Variants in LRP12 observed in about 807,000 individuals in gnomAD.
LRP12 encodes low-density lipoprotein receptor-related protein 12.
Under a neutral mutation model 66.0 loss-of-function variants are expected in LRP12, and 14 were observed. The observed-to-expected ratio is 0.21, with a 90% confidence interval of 0.14 to 0.33. The LOEUF is 0.33. Ranked by LOEUF, LRP12 falls within the 10% of genes least tolerant of loss-of-function variation. The pLI is 1.00. For missense variants in LRP12, 889 were observed against 1,053.4 expected, an observed-to-expected ratio of 0.84 and a Z score of 2.16; for synonymous variants, 357 against 359.1, an observed-to-expected ratio of 0.99 and a Z score of 0.07.
rs558157207 is a variant in LRP12, at chr8:104,548,105, GTTATA to G, written c.80-16147_80-16143del. ...TATATTATATTTTGTATATAATTCT[GTTATA>G]TTATATTTTGTATATAATATATAAT... is the stretch of plus-strand genomic sequence containing the variant. On this transcript the variant is annotated intron_variant, in intron 1 of 6. Transcript: ENST00000276654. 3.2e-3 allele frequency among the ~76,000 whole-genome samples: 337 copies of G among 105,126 alleles called. 5 individuals are homozygous for G. The highest frequency in any genetic ancestry group is 0.032 in the East Asian group (129 of 4,026). The allele number at this position is 105,126 out of a possible 152,430, so 69.0% of individuals were successfully genotyped here. A position where few individuals can be genotyped will look rare whatever the true frequency, so the allele number is the denominator to read the frequency against.
chr8:104,533,416 G>A (rs952176735), intron 1 of LRP12, among the ~76,000 whole-genome samples: 4 of 152,038 alleles, frequency 2.6e-5, no homozygotes, highest in African/African-American at 4.8e-5. Context: ...TGCTACTCAC[G>A]AGTAGACTAG....
intron 1 of LRP12, among the ~76,000 whole-genome samples, chr8:104,583,192 A>G (rs1299094682): frequency 2.6e-5 from 4 of 152,206 alleles, no homozygotes; most frequent in Non-Finnish European, 5.9e-5. Context: ...GTTTCAAAAC[A>G]TAAATCACAT....
Position 104,548,323 on chromosome 8 carries a change from AAT to A in LRP12, c.80-16362_80-16361del, listed in dbSNP as rs1491286639. On this transcript the variant is annotated intron_variant, in intron 1 of 6. Coordinates refer to ENST00000276654, the MANE Select transcript of LRP12 (RefSeq NM_013437.5). ...TATAATATATATTATATAAATATAT[AAT>A]ATATATTATATAAATATATAAATAT... Among the ~76,000 whole-genome samples the A allele has an allele frequency of 1.9e-3, 32 of 16,650 alleles. 5 individuals carry two copies. Among genetic ancestry groups the A allele is most frequent in the African/African-American group, 0.014 (31 of 2,170 alleles). 10.9% of individuals were successfully genotyped at this position (16,650 alleles called of 152,430 possible).
chr8:104,571,280 T>A (rs558354969), intron 1 of LRP12, among the ~76,000 whole-genome samples: 10 of 152,218 alleles, frequency 6.6e-5, no homozygotes, highest in Non-Finnish European at 1.2e-4. Context: ...CGTGGCCTAT[T>A]AGGAAGTGGG....
At chr8:104,551,479 C>T (rs1202787647) in intron 1 of LRP12, among the ~76,000 whole-genome samples, 1 of 152,074 alleles carries the variant, frequency 6.6e-6, no homozygotes, top group Admixed American at 6.5e-5. Flanking sequence ...AGATAGTGAG[C>T]ATAGTACCCA....
intron 1 of LRP12, among the ~76,000 whole-genome samples, chr8:104,569,279 G>C (rs1344038711): frequency 6.6e-6 from 1 of 152,164 alleles, no homozygotes; most frequent in Non-Finnish European, 1.5e-5. Flanking sequence ...GGAAGAATGG[G>C]TAGTGATTGT....
intron 1 of LRP12, among the ~76,000 whole-genome samples, chr8:104,567,100 C>G (rs1812016797): frequency 6.6e-6 from 1 of 151,986 alleles, no homozygotes; most frequent in South Asian, 2.1e-4. Context: ...CCACTCTTGC[C>G]ACTTCCATTC....
intron 2 of LRP12, among the ~76,000 whole-genome samples, chr8:104,516,298 C>T (rs186690672): frequency 1.6e-3 from 241 of 151,844 alleles, no homozygotes; most frequent in Non-Finnish European, 2.3e-3. Flanking sequence ...CTGACTAGCC[C>T]CCACAAAAGC....
At chr8:104,574,815 GTTTC>G (rs1220756857) in intron 1 of LRP12, among the ~76,000 whole-genome samples, 1 of 152,004 alleles carries the variant, frequency 6.6e-6, no homozygotes, top group Non-Finnish European at 1.5e-5. Context: ...AATTTCACCT[GTTTC>G]TTTTTTTTAA....
intron 1 of LRP12, among the ~76,000 whole-genome samples, chr8:104,567,625 G>A (rs1812025646): frequency 6.6e-6 from 1 of 152,146 alleles, no homozygotes; most frequent in South Asian, 2.1e-4. Flanking sequence ...ATTAGAGCTA[G>A]TAAGTTCAAC....
chr8:104,545,625 A>T (rs888487334), intron 1 of LRP12, among the ~76,000 whole-genome samples: 3 of 152,196 alleles, frequency 2.0e-5, no homozygotes, highest in African/African-American at 7.2e-5. Flanking sequence ...GGCTCAGATG[A>T]TCATTAGAAT....
intron 1 of LRP12, among the ~76,000 whole-genome samples, chr8:104,551,472 T>G (rs75359745): frequency 0.024 from 3,636 of 152,242 alleles, 108 homozygotes; most frequent in African/African-American, 0.065. Flanking sequence ...ATCACCCAGA[T>G]AGTGAGCATA....
chr8:104,565,676 C>A (rs1382269034), intron 1 of LRP12, among the ~76,000 whole-genome samples: 1 of 151,878 alleles, frequency 6.6e-6, no homozygotes, highest in Non-Finnish European at 1.5e-5. Context: ...CTGGCTAACA[C>A]GGTGAAACTC....
intron 1 of LRP12, among the ~76,000 whole-genome samples, chr8:104,547,503 ATTTTGTATATAATATATAATTG>A (rs1811597707): frequency 8.1e-6 from 1 of 124,060 alleles, no homozygotes; most frequent in Admixed American, 8.7e-5. Flanking sequence ...GTTATATTAT[ATTTTGTATATAATATATAATTG>A]TTATATTTTG....
chr8:104,528,309 G>A (rs1380484016), intron 2 of LRP12, among the ~76,000 whole-genome samples: 1 of 152,136 alleles, frequency 6.6e-6, no homozygotes, highest in Non-Finnish European at 1.5e-5. Context: ...CCATTTCTGT[G>A]GCTTGCTGAT....
At chr8:104,563,993 G>A (rs1447616174) in intron 1 of LRP12, among the ~76,000 whole-genome samples, 3 of 152,160 alleles carry the variant, frequency 2.0e-5, no homozygotes, top group African/African-American at 7.2e-5. Flanking sequence ...GTTTGCTATT[G>A]TTACAAGAAT....
chr8:104,505,763 C>T (rs1160699791), intron 3 of LRP12: 4 of 152,024 alleles, frequency 2.6e-5, no homozygotes, highest in Non-Finnish European at 5.9e-5. Flanking sequence ...CTCAATATTA[C>T]TCCTATTTTT....
rs779870355 is a variant in LRP12, at chr8:104,531,904, T to C, written c.136+3A>G. On this transcript the variant is annotated splice_donor_region_variant and intron_variant, in intron 2 of 6. Coordinates refer to ENST00000276654, the MANE Select transcript of LRP12 (RefSeq NM_013437.5). ...AATTTAAACATTACAAAAAATGACT[T>C]ACCAGTTGACACTCCTGAAATATGC... 4 of 1,580,346 alleles carry C rather than the reference T, an allele frequency of 2.5e-6. No individual in the cohort carries two copies. Among genetic ancestry groups the C allele is most frequent in the Middle Eastern group, 1.7e-4 (1 of 5,994 alleles).
chr8:104,507,506 G>C (rs922712018), intron 3 of LRP12: 9 of 152,106 alleles, frequency 5.9e-5, no homozygotes, highest in African/African-American at 2.2e-4. Context: ...GCTATAAGTT[G>C]TAAGTTAAAT....
Sources: allele counts gnomAD v4.1 joint callset (sites outside exome capture counted in the v4.1 genomes callset), GRCh38; gene constraint gnomAD v4.1.1; transcripts MANE v1.5; gene names NCBI Gene and HGNC (gene_info 2026-07-23, HGNC 2026-07-21).